The following SUGCT variants were observed in gnomAD, a reference collection of about 807,000 sequenced individuals.
The protein encoded by SUGCT is succinyl-CoA:glutarate-CoA transferase.
SUGCT carries 41 observed loss-of-function variants against 55.0 expected under a neutral mutation model. That is an observed-to-expected ratio of 0.74 (90% CI 0.58 to 0.97). SUGCT has a LOEUF of 0.97. SUGCT is among the 50% of genes least tolerant of loss of function. The probability of loss-of-function intolerance (pLI) is 0.00; values close to 1 mark genes in which losing one functional copy is unlikely to be tolerated. For synonymous variants in SUGCT, 187 were observed against 200.4 expected (o/e 0.93, Z 0.56); for missense variants, 568 against 547.8 (o/e 1.04, Z -0.37).
the SUGCT span, among the ~76,000 whole-genome samples, chr7:40,940,762 A>G: frequency 6.6e-6 from 1 of 152,082 alleles, no homozygotes; most frequent in African/African-American, 2.4e-5. Flanking sequence ...TTCATTTATC[A>G]AATCTAGGGT....
At chr7:40,917,055 C>T in the SUGCT span, among the ~76,000 whole-genome samples, 1 of 152,202 alleles carries the variant, frequency 6.6e-6, no homozygotes, top group Non-Finnish European at 1.5e-5. Flanking sequence ...ATGTCCAACA[C>T]AGCAATAAGC....
rs144641528 is a variant in SUGCT at position 40,528,125 on chromosome 7, A to G, written c.1089+31739A>G. ...AATTTGTAAAATGAAGATAATAAGT[A>G]TACTTACCTTGAAAGACTACAGTGA... On this transcript the variant is annotated intron_variant, in intron 12 of 13. Coordinates refer to ENST00000335693, the MANE Select transcript of SUGCT (RefSeq NM_001193313.2). Among the ~76,000 whole-genome samples, 494 of 152,300 alleles carry G rather than the reference A, an allele frequency of 3.2e-3. 3 individuals carry two copies. Among genetic ancestry groups the G allele is most frequent in the African/African-American group, 0.011 (475 of 41,578 alleles).
chr7:40,528,754 A>C (rs931416059), intron 12 of SUGCT, among the ~76,000 whole-genome samples: 1 of 152,190 alleles, frequency 6.6e-6, no homozygotes, highest in Non-Finnish European at 1.5e-5. Flanking sequence ...GGTAATGCCA[A>C]GTTCCTACTT....
At chr7:40,308,039 G>A (rs140426056) in intron 8 of SUGCT, among the ~76,000 whole-genome samples, 241 of 152,292 alleles carry the variant, frequency 1.6e-3, no homozygotes, top group African/African-American at 5.0e-3. Context: ...TTTGTAGTTA[G>A]TAAATGAGTG....
chr7:40,237,785 T>C, intron 7 of SUGCT, 59 bp downstream of exon 7: 3 of 1,430,012 alleles, frequency 2.1e-6, no homozygotes, highest in Non-Finnish European at 3.0e-6. Context: ...CAAAAGGATT[T>C]TACTCTGCAC....
At chr7:40,415,900 C>G (rs1338977078) in intron 9 of SUGCT, among the ~76,000 whole-genome samples, 1 of 152,006 alleles carries the variant, frequency 6.6e-6, no homozygotes, top group African/African-American at 2.4e-5. Flanking sequence ...AGATGGGAGT[C>G]TTCAACTTAC....
At chr7:40,921,296 A>C in the SUGCT span, among the ~76,000 whole-genome samples, 3 of 152,150 alleles carry the variant, frequency 2.0e-5, no homozygotes, top group African/African-American at 7.2e-5. Flanking sequence ...TATGTGGACT[A>C]TAGGGGCCTT....
intron 6 of SUGCT, among the ~76,000 whole-genome samples, chr7:40,213,639 G>A (rs1282761698): frequency 1.3e-5 from 2 of 152,180 alleles, no homozygotes; most frequent in Admixed American, 6.5e-5. Flanking sequence ...TCCTGAGGAG[G>A]TGTGGAGTAT....
At chr7:40,333,818 A>G (rs900859083) in intron 9 of SUGCT, among the ~76,000 whole-genome samples, 1 of 149,454 alleles carries the variant, frequency 6.7e-6, no homozygotes, top group East Asian at 2.0e-4. Flanking sequence ...TTTGTTACAT[A>G]TGTATACATG....
intron 12 of SUGCT, among the ~76,000 whole-genome samples, chr7:40,561,230 C>T (rs1177508302): frequency 6.6e-6 from 1 of 152,194 alleles, no homozygotes; most frequent in Admixed American, 6.5e-5. Flanking sequence ...AGTAGATAGA[C>T]TTTACCAAAA....
chr7:40,543,406 T>A (rs1263450539), intron 12 of SUGCT, among the ~76,000 whole-genome samples: 1 of 152,178 alleles, frequency 6.6e-6, no homozygotes, highest in African/African-American at 2.4e-5. Context: ...CTTGATAAAA[T>A]AATTTAAAAA....
chr7:40,719,204 C>T (rs1786186902), intron 12 of SUGCT, among the ~76,000 whole-genome samples: 1 of 152,184 alleles, frequency 6.6e-6, no homozygotes, highest in Non-Finnish European at 1.5e-5. Context: ...GGTATATAGG[C>T]CTTTGCACAT....
At chr7:40,997,996 G>A in the SUGCT span, among the ~76,000 whole-genome samples, 1 of 152,014 alleles carries the variant, frequency 6.6e-6, no homozygotes, top group Admixed American at 6.5e-5. Flanking sequence ...AGTGGTCCTG[G>A]AGTCCATCCC....
chr7:40,922,575 G>A, the SUGCT span, among the ~76,000 whole-genome samples: 1 of 152,150 alleles, frequency 6.6e-6, no homozygotes, highest in Non-Finnish European at 1.5e-5. Context: ...AAAACACAAG[G>A]TTTCTTTACT....
intron 9 of SUGCT, among the ~76,000 whole-genome samples, chr7:40,422,777 G>C (rs1315683577): frequency 6.6e-6 from 1 of 150,434 alleles, no homozygotes; most frequent in African/African-American, 2.4e-5. Flanking sequence ...GAGATGATTT[G>C]CTACTCTTTA....
At position 40,188,477 on chromosome 7, in the gene SUGCT, TCA is replaced by T; in HGVS notation, c.227-17_227-16del. 7.2e-7 allele frequency: 1 copy of T among 1,396,748 alleles called. No individual in the cohort carries two copies. Among genetic ancestry groups the T allele is most frequent in the Non-Finnish European group, 9.9e-7 (1 of 1,008,132 alleles). The allele number at this position is 1,396,748 out of a possible 1,614,324, so 86.5% of individuals were successfully genotyped here. A position where few individuals can be genotyped will look rare whatever the true frequency, so the allele number is the denominator to read the frequency against. On this transcript the variant is annotated splice_polypyrimidine_tract_variant and intron_variant, in intron 3 of 13. Coordinates refer to ENST00000335693, the MANE Select transcript of SUGCT (RefSeq NM_001193313.2). ...AAAACAAACCCCAAAGATTAATAGCTCATGTTATTATTTTCAGGAGCTGGTGA... is the reference window on the plus strand; with the variant it reads ...AAAACAAACCCCAAAGATTAATAGCTTGTTATTATTTTCAGGAGCTGGTGA...
At chr7:40,976,109 C>T in the SUGCT span, among the ~76,000 whole-genome samples, 4 of 152,158 alleles carry the variant, frequency 2.6e-5, no homozygotes, top group African/African-American at 9.7e-5. Context: ...TAGGGGCATT[C>T]GGTTTACTAA....
chr7:40,964,070 T>G, the SUGCT span, among the ~76,000 whole-genome samples: 1 of 152,244 alleles, frequency 6.6e-6, no homozygotes, highest in South Asian at 2.1e-4. Context: ...TTTCACATTC[T>G]ACATAGTATT....
chr7:40,469,874 T>C (rs1790315468), intron 11 of SUGCT, among the ~76,000 whole-genome samples: 1 of 152,204 alleles, frequency 6.6e-6, no homozygotes, highest in South Asian at 2.1e-4. Flanking sequence ...GGATAAAACA[T>C]TTAATACCCT....
Sources: allele counts gnomAD v4.1 joint callset (sites outside exome capture counted in the v4.1 genomes callset), GRCh38; gene constraint gnomAD v4.1.1; transcripts MANE v1.5; gene names NCBI Gene and HGNC (gene_info 2026-07-23, HGNC 2026-07-21).